SHTN1: variants seen among roughly 807,000 people sequenced by gnomAD.
SHTN1 encodes shootin-1.
A neutral mutation model predicts 83.1 loss-of-function variants in SHTN1; 42 were observed. The ratio of observed to expected loss-of-function variants is 0.51; its 90% CI spans 0.39 to 0.65. The LOEUF (loss-of-function observed/expected upper bound fraction) is 0.65, where lower values mean the gene tolerates loss of function less well. Among genes scored for constraint, SHTN1 ranks in the 30% least tolerant of loss-of-function variants. The pLI is 0.00. For synonymous variants in SHTN1, 224 were observed against 247.7 expected (o/e 0.90, Z 0.90); for missense variants, 622 against 737.8 (o/e 0.84, Z 1.82).
At chr10:116,920,219 T>C (rs1848509362) in intron 12 of SHTN1, among the ~76,000 whole-genome samples, 1 of 152,134 alleles carries the variant, frequency 6.6e-6, no homozygotes. Context: ...ACCAGCTATC[T>C]GCCCAGAATC....
chr10:116,910,544 A>G (rs1360013653), intron 14 of SHTN1, among the ~76,000 whole-genome samples: 1 of 152,198 alleles, frequency 6.6e-6, no homozygotes, highest in East Asian at 1.9e-4. Context: ...CTAATCAAAT[A>G]TTATCATATG....
At chr10:116,956,237 G>T (rs1021972620) in intron 4 of SHTN1, among the ~76,000 whole-genome samples, 3 of 152,184 alleles carry the variant, frequency 2.0e-5, no homozygotes, top group African/African-American at 7.2e-5. Flanking sequence ...GTGAAGCCCA[G>T]CATAGCCCTT....
intron 1 of SHTN1, among the ~76,000 whole-genome samples, chr10:117,081,425 G>A (rs1199076647): frequency 1.4e-5 from 2 of 140,718 alleles, no homozygotes; most frequent in African/African-American, 2.7e-5. Context: ...TGTGCTGCTG[G>A]ATTTGGTTTG....
At chr10:117,087,735 A>C (rs1853370788) in intron 1 of SHTN1, among the ~76,000 whole-genome samples, 2 of 152,246 alleles carry the variant, frequency 1.3e-5, no homozygotes, top group African/African-American at 4.8e-5. Flanking sequence ...ATTCAGCAAA[A>C]GGCAGCTTAA....
intron 2 of SHTN1, among the ~76,000 whole-genome samples, chr10:117,018,837 C>T (rs988447371): frequency 1.3e-5 from 2 of 152,144 alleles, no homozygotes; most frequent in African/African-American, 4.8e-5. Context: ...TCCCAAAGTG[C>T]TGGGATTACA....
intron 12 of SHTN1, among the ~76,000 whole-genome samples, chr10:116,920,679 C>A (rs1848530143): frequency 6.6e-6 from 1 of 152,096 alleles, no homozygotes; most frequent in Non-Finnish European, 1.5e-5. Flanking sequence ...AGGAGAAATG[C>A]CAGAACCTTG....
Position 116,993,177 on chromosome 10 carries a change from G to A in SHTN1, c.58+11845C>T, listed in dbSNP as rs542286296. Among the ~76,000 whole-genome samples, 16 of 151,448 alleles carry A rather than the reference G, an allele frequency of 1.1e-4. No homozygotes were observed. In the East Asian group the frequency reaches 2.1e-3, roughly 20 times the overall value. On this transcript the variant is annotated intron_variant, in intron 1 of 16. Coordinates refer to ENST00000355371, the MANE Select transcript of SHTN1 (RefSeq NM_001127211.3). ...ACTACAGGCACGTGCCACCACACCC[G>A]GCTAATTTTTTGTATTTTTAGTAGA...
chr10:117,070,384 T>C (rs924822755), intron 1 of SHTN1, among the ~76,000 whole-genome samples: 6 of 152,084 alleles, frequency 3.9e-5, no homozygotes, highest in Non-Finnish European at 1.5e-5. Context: ...CCCTATTGAC[T>C]CTTGGGGGCT....
intron 4 of SHTN1, among the ~76,000 whole-genome samples, chr10:116,956,228 T>C (rs1589841100): frequency 6.6e-6 from 1 of 152,240 alleles, no homozygotes; most frequent in South Asian, 2.1e-4. Flanking sequence ...TCTCTGGCAG[T>C]GAAGCCCAGC....
At chr10:117,050,708 A>AT (rs1384995582) in intron 1 of SHTN1, among the ~76,000 whole-genome samples, 2 of 151,858 alleles carry the variant, frequency 1.3e-5, no homozygotes, top group African/African-American at 4.8e-5. Context: ...AAAAAAAAAA[A>AT]GGAGAGAGAT....
chr10:117,045,934 G>A (rs1415450112), intron 2 of SHTN1, among the ~76,000 whole-genome samples: 4 of 152,060 alleles, frequency 2.6e-5, no homozygotes, highest in African/African-American at 4.8e-5. Flanking sequence ...AAAACTCTAA[G>A]AAGGTATCAA....
chr10:116,886,350 G>C lies in SHTN1; in HGVS notation c.1890C>G (p.Asn630Lys). The change falls in exon 17 of 17, where the codon AAC (asparagine) becomes AAG (lysine). Residue 630 changes from asparagine to lysine, a missense_variant. Asn to Lys is a moderately conservative substitution (Grantham distance 94, BLOSUM62 0). Transcript: ENST00000355371. Reference protein sequence around the residue: ...IENVRETDSSNC With the variant: ...IENVRETDSSKC ...CAGGCTTCTGGTTTATGGATCAGCA[G>C]TTGGAGCTGTCTGTCTCTCTCACGT... The C allele has an allele frequency of 1.3e-6, 2 of 1,553,116 alleles. No homozygotes were observed. The highest frequency in any genetic ancestry group is 2.4e-5 in the South Asian group (2 of 84,262).
At chr10:116,960,935 ATTTT>A (rs1307655143) in intron 3 of SHTN1, among the ~76,000 whole-genome samples, 3 of 152,124 alleles carry the variant, frequency 2.0e-5, no homozygotes, top group African/African-American at 7.2e-5. Flanking sequence ...TATTTTTTAG[ATTTT>A]TTGACAGCTG....
chr10:117,061,011 G>T (rs913812123), intron 1 of SHTN1, among the ~76,000 whole-genome samples: 1 of 152,042 alleles, frequency 6.6e-6, no homozygotes, highest in Non-Finnish European at 1.5e-5. Context: ...CAATTGGGAA[G>T]AAACAACAAC....
At chr10:116,953,223 GA>G (rs1849836594) in intron 5 of SHTN1, among the ~76,000 whole-genome samples, 1 of 152,152 alleles carries the variant, frequency 6.6e-6, no homozygotes, top group Admixed American at 6.5e-5. Context: ...ACATGTGTAT[GA>G]GTAAAATGAA....
chr10:117,071,214 T>C (rs1218989205), intron 1 of SHTN1, among the ~76,000 whole-genome samples: 1 of 152,246 alleles, frequency 6.6e-6, no homozygotes, highest in Non-Finnish European at 1.5e-5. Context: ...ATAATTATGA[T>C]GTTTCCTCAT....
At chr10:117,048,027 A>G (rs1852691558) in intron 2 of SHTN1, among the ~76,000 whole-genome samples, 1 of 152,336 alleles carries the variant, frequency 6.6e-6, no homozygotes, top group African/African-American at 2.4e-5. Flanking sequence ...AAACTACTGA[A>G]GATCAGTTTT....
intron 1 of SHTN1, among the ~76,000 whole-genome samples, chr10:116,987,146 A>G (rs1251223563): frequency 6.6e-6 from 1 of 152,148 alleles, no homozygotes; most frequent in African/African-American, 2.4e-5. Flanking sequence ...GACTTGGTGG[A>G]AGGCAAATAC....
intron 9 of SHTN1, among the ~76,000 whole-genome samples, chr10:116,933,769 T>C (rs887529757): frequency 2.0e-5 from 3 of 152,192 alleles, no homozygotes; most frequent in Non-Finnish European, 4.4e-5. Context: ...GTTGAACTAA[T>C]TTATACACCC....
Sources: gnomAD v4.1 joint callset for allele counts (sites outside exome capture counted in the v4.1 genomes callset) on GRCh38, gnomAD v4.1.1 for gene constraint, MANE v1.5 for transcripts, NCBI Gene and HGNC (gene_info 2026-07-23, HGNC 2026-07-21) for gene names.